The following NUP210 variants were observed in gnomAD, a reference collection of about 807,000 sequenced individuals.
The protein encoded by NUP210 is nucleoporin 210.
In NUP210, 151 loss-of-function variants were observed where a neutral mutation model predicts 196.0. The ratio of observed to expected loss-of-function variants is 0.77; its 90% CI spans 0.67 to 0.88. NUP210 has a LOEUF of 0.88. NUP210 is among the 40% of genes least tolerant of loss of function. NUP210 has a pLI of 0.00. For missense variants in NUP210, 2,314 were observed against 2,493.7 expected (o/e 0.93, Z 1.53); for synonymous variants, 1,070 against 1,052.7 (o/e 1.02, Z -0.32).
intron 16 of NUP210, 187 bp from the exon 17 acceptor site, chr3:13,354,294 G>C: frequency 1.7e-6 from 1 of 596,094 alleles, no homozygotes; most frequent in Non-Finnish European, 3.0e-6. Flanking sequence ...CCCTGTCCAA[G>C]CTGGCCTCTG....
chr3:13,337,512 C>A (rs568142434), intron 26 of NUP210, among the ~76,000 whole-genome samples: 1 of 152,332 alleles, frequency 6.6e-6, no homozygotes, highest in African/African-American at 2.4e-5. Context: ...CTGACACCAG[C>A]CTCCCAGGGC....
In NUP210 at chr3:13,317,334, G is replaced by A. The variant is rs1245596606; in HGVS notation, c.*347C>T. The A allele has an allele frequency of 3.1e-6, 1 of 320,666 alleles. No homozygotes were observed. The highest frequency in any genetic ancestry group is 4.9e-5 in the Admixed American group (1 of 20,564). The allele number at this position is 320,666 out of a possible 1,614,324, so 19.9% of individuals were successfully genotyped here. A position where few individuals can be genotyped will look rare whatever the true frequency, so the allele number is the denominator to read the frequency against. ...CAACTTCTAAAGAGCACTTCTAACT[G>A]CTCAAAGTCTTGAGAAGGGAAAGAT... is the stretch of plus-strand genomic sequence containing the variant. On this transcript the variant is annotated 3_prime_UTR_variant, in exon 40 of 40. Transcript: ENST00000254508.
intron 13 of NUP210, among the ~76,000 whole-genome samples, chr3:13,368,221 G>C (rs1393271339): frequency 2.0e-5 from 3 of 152,060 alleles, no homozygotes; most frequent in Non-Finnish European, 4.4e-5. Flanking sequence ...GACTACAGGA[G>C]TGAGCCACCA....
chr3:13,344,021 T>C (rs2124865760), intron 20 of NUP210, among the ~76,000 whole-genome samples: 1 of 152,348 alleles, frequency 6.6e-6, no homozygotes, highest in African/African-American at 2.4e-5. Flanking sequence ...GCCTTTTCAC[T>C]GCCAGAGACC....
rs372377773 is a variant in NUP210, at chr3:13,319,899, G to A, written c.5247C>T (p.Val1749=). ...TGCCAGCCGCGGGGTCCAAGACGCC[G>A]ACCGTGTATGTGATGAAGCTGGGCC... ...FGWPSFITYT[V]GVLDPAAGSQ... Residue 1749 remains valine (V), a synonymous_variant, in exon 37 of 40, where the codon GTC becomes GTT. Transcript: ENST00000254508. The A allele has an allele frequency of 3.7e-6, 6 of 1,614,036 alleles. No homozygotes were observed. Among genetic ancestry groups the A allele is most frequent in the East Asian group, 4.5e-5 (2 of 44,886 alleles).
At chr3:13,369,707 A>G (rs1698661831) in intron 13 of NUP210, among the ~76,000 whole-genome samples, 1 of 152,238 alleles carries the variant, frequency 6.6e-6, no homozygotes, top group Non-Finnish European at 1.5e-5. Flanking sequence ...CACCCTTACC[A>G]AAAATCATTT....
rs1055947095 is a variant in NUP210 at position 13,340,464 on chromosome 3, G to A, written c.3229-166C>T. The stretch of plus-strand genomic sequence containing the variant: ...GGGTCCTGGGCCAATGCTGGGGGCT[G>A]TCTCCCAGCCACTGGCCGAGGCTCC... On this transcript the variant is annotated intron_variant, in intron 23 of 39. Coordinates refer to ENST00000254508, the MANE Select transcript of NUP210 (RefSeq NM_024923.4). This position sits in a 1 kb window ranked among gnomAD's most constrained non-coding sequence, Gnocchi z 4.0. Among the ~76,000 whole-genome samples, 7 of 152,162 alleles carry A rather than the reference G, an allele frequency of 4.6e-5. No individual in the cohort carries two copies. The highest frequency in any genetic ancestry group is 1.4e-4 in the African/African-American group (6 of 41,448).
rs560089192 is a variant in NUP210 at position 13,340,092 on chromosome 3, C to G, written c.3292-59G>C. On this transcript the variant is annotated intron_variant, in intron 24 of 39. Transcript: ENST00000254508. This position sits in a 1 kb window ranked among gnomAD's most constrained non-coding sequence, Gnocchi z 4.0. Reference sequence around the variant, plus strand: ...CCGTCATGCCAGGCAGCCCGCACCTCCCACTCAGAGAGCCAGGGCCCCAGT... The same window carrying G: ...CCGTCATGCCAGGCAGCCCGCACCTGCCACTCAGAGAGCCAGGGCCCCAGT... 1.9e-6 allele frequency: 3 copies of G among 1,602,496 alleles called. No individual in the cohort carries two copies. The highest frequency in any genetic ancestry group is 2.2e-5 in the East Asian group (1 of 44,616).
intron 26 of NUP210, 24 bp from the exon 27 acceptor site, chr3:13,336,942 G>T: frequency 6.2e-7 from 1 of 1,612,076 alleles, no homozygotes; most frequent in Non-Finnish European, 8.5e-7. Flanking sequence ...GTCAGGCCCA[G>T]TGAGCAGTAG....
intron 3 of NUP210, among the ~76,000 whole-genome samples, chr3:13,392,002 C>T (rs1053080559): frequency 3.9e-5 from 6 of 152,128 alleles, no homozygotes; most frequent in African/African-American, 1.4e-4. Flanking sequence ...GCCTCATTCC[C>T]TCTGAGAGCC....
At chr3:13,360,787 C>T (rs752262574) in intron 14 of NUP210, among the ~76,000 whole-genome samples, 1 of 152,136 alleles carries the variant, frequency 6.6e-6, no homozygotes, top group Non-Finnish European at 1.5e-5. Flanking sequence ...TACCCACAGC[C>T]CTGGAACCCA....
In NUP210 at chr3:13,319,805, C is replaced by T. The variant is rs150565530; in HGVS notation, c.5341G>A (p.Val1781Met). 2.5e-5 allele frequency: 40 copies of T among 1,614,126 alleles called. No individual in the cohort carries two copies. Among genetic ancestry groups the T allele is most frequent in the Non-Finnish European group, 3.2e-5 (38 of 1,180,054 alleles). ...CGATCCACCACAAAAGCCACTGTCA[C>T]TGGGATGGCAATGGCTTGGTTGGTC... ...PVTNQAIAIPVTVAFVVDRRG... is the reference protein window; with the variant it reads ...PVTNQAIAIPMTVAFVVDRRG... Residue 1781 changes from valine to methionine, a missense_variant, in exon 37 of 40, where the codon GTG (valine) becomes ATG (methionine). Coordinates refer to ENST00000254508, the MANE Select transcript of NUP210 (RefSeq NM_024923.4).
chr3:13,380,987 A>T lies in NUP210; in HGVS notation c.818-1266T>A, dbSNP rs116968709. ...CCCCATCCCAGACCTGCTGAATCAA[A>T]CTCCAGGGCTGGGCTCCAGCAAGCT... On this transcript the variant is annotated intron_variant, in intron 6 of 39. Coordinates refer to ENST00000254508, the MANE Select transcript of NUP210 (RefSeq NM_024923.4). Among the ~76,000 whole-genome samples, 5 of 152,148 alleles carry T rather than the reference A, an allele frequency of 3.3e-5. No individual in the cohort carries two copies. The East Asian group carries it at 9.7e-4, about 29-fold the overall frequency.
chr3:13,420,269 C>A lies in NUP210; in HGVS notation c.-43G>T. 9.6e-7 allele frequency: 1 copy of A among 1,042,986 alleles called. No homozygotes were observed. The highest frequency in any genetic ancestry group is 1.2e-6 in the Non-Finnish European group (1 of 868,604). The allele number at this position is 1,042,986 out of a possible 1,614,324, so 64.6% of individuals were successfully genotyped here. A position where few individuals can be genotyped will look rare whatever the true frequency, so the allele number is the denominator to read the frequency against. ...TCCCGCGACCCTGCGCCCGGCCGCC[C>A]GCGCCGCCCCGTTGCCCTCCGCTCC... On this transcript the variant is annotated 5_prime_UTR_variant, in exon 1 of 40. Coordinates refer to ENST00000254508, the MANE Select transcript of NUP210 (RefSeq NM_024923.4). The surrounding 1 kb of genome is among the most constrained non-coding windows in gnomAD (Gnocchi z 4.8).
chr3:13,343,083 C>T, intron 21 of NUP210, 92 bp downstream of exon 21: 1 of 1,503,700 alleles, frequency 6.7e-7, no homozygotes, highest in Non-Finnish European at 9.1e-7. Context: ...GGAGCAAAAG[C>T]AAAGGCCATG....
intron 39 of NUP210, among the ~76,000 whole-genome samples, chr3:13,318,537 C>T (rs937772892): frequency 1.3e-5 from 2 of 152,240 alleles, no homozygotes; most frequent in Middle Eastern, 3.4e-3. Context: ...CATTAAAGGG[C>T]CTTCACGTAC....
At chr3:13,369,630 G>C (rs1354687740) in intron 13 of NUP210, among the ~76,000 whole-genome samples, 1 of 152,200 alleles carries the variant, frequency 6.6e-6, no homozygotes, top group Non-Finnish European at 1.5e-5. Context: ...TCTTATGCAT[G>C]TCGATACGTG....
intron 3 of NUP210, among the ~76,000 whole-genome samples, chr3:13,391,547 A>G (rs1275343503): frequency 1.3e-5 from 2 of 151,268 alleles, no homozygotes; most frequent in African/African-American, 4.9e-5. Flanking sequence ...CTGTCCGATG[A>G]AAGCTTGTGC....
chr3:13,419,348 T>C (rs1700455464), intron 1 of NUP210, among the ~76,000 whole-genome samples: 1 of 152,166 alleles, frequency 6.6e-6, no homozygotes, highest in South Asian at 2.1e-4. Flanking sequence ...CACCGCCCTG[T>C]CAGTGTCGGT....
Sources: allele counts gnomAD v4.1 joint callset (sites outside exome capture counted in the v4.1 genomes callset), GRCh38; gene constraint gnomAD v4.1.1; non-coding constraint Gnocchi (gnomAD v3.1); transcripts MANE v1.5; gene names NCBI Gene and HGNC (gene_info 2026-07-23, HGNC 2026-07-21).